GPC5: variants seen among roughly 807,000 people sequenced by gnomAD.
GPC5 encodes the protein glypican 5.
A neutral mutation model predicts 53.9 loss-of-function variants in GPC5; 47 were observed. The observed-to-expected ratio is 0.87, with a 90% CI of 0.69 to 1.11. GPC5 has a LOEUF of 1.11. GPC5 is among the 50% of genes most tolerant of loss of function. The probability of loss-of-function intolerance (pLI) is 0.00; values close to 1 mark genes in which losing one functional copy is unlikely to be tolerated. For missense variants in GPC5, 748 were observed against 713.1 expected (o/e 1.05, Z -0.56); for synonymous variants, 286 against 263.3 (o/e 1.09, Z -0.84).
chr13:91,602,627 A>T (rs547629547), intron 2 of GPC5, among the ~76,000 whole-genome samples: 3 of 152,330 alleles, frequency 2.0e-5, no homozygotes, highest in African/African-American at 7.2e-5. Context: ...CAGTATGCAG[A>T]TCACAAAAAG....
chr13:92,426,530 G>T (rs1876841853), intron 7 of GPC5, among the ~76,000 whole-genome samples: 1 of 151,956 alleles, frequency 6.6e-6, no homozygotes, highest in South Asian at 2.1e-4. Context: ...AAATGTCAAG[G>T]ATAAGACTTA....
At chr13:92,385,350 A>ATATACATC in intron 7 of GPC5, among the ~76,000 whole-genome samples, 1 of 89,428 alleles carries the variant, frequency 1.1e-5, no homozygotes, top group East Asian at 3.9e-4. Flanking sequence ...ATATATACAT[A>ATATACATC]TATACATATA....
At chr13:92,218,844 T>A (rs1276819638) in intron 7 of GPC5, among the ~76,000 whole-genome samples, 1 of 152,190 alleles carries the variant, frequency 6.6e-6, no homozygotes, top group Non-Finnish European at 1.5e-5. Flanking sequence ...AAGGCAATCC[T>A]TAGGCAAAAA....
chr13:92,368,367 G>T (rs2139290566), intron 7 of GPC5, among the ~76,000 whole-genome samples: 1 of 151,584 alleles, frequency 6.6e-6, no homozygotes, highest in African/African-American at 2.4e-5. Flanking sequence ...AATAGGGCTG[G>T]GCGTGGTTGC....
At chr13:92,633,122 C>A (rs960284152) in intron 7 of GPC5, among the ~76,000 whole-genome samples, 1 of 152,048 alleles carries the variant, frequency 6.6e-6, no homozygotes, top group East Asian at 1.9e-4. Flanking sequence ...AACTCCTGAC[C>A]TCTCAGGTGA....
At chr13:92,840,948 T>C (rs1349767025) in intron 7 of GPC5, among the ~76,000 whole-genome samples, 2 of 152,118 alleles carry the variant, frequency 1.3e-5, no homozygotes, top group African/African-American at 2.4e-5. Context: ...CCTAAGCTGA[T>C]TTTGTCTGTC....
At chr13:92,005,946 G>T (rs904693357) in intron 6 of GPC5, among the ~76,000 whole-genome samples, 4 of 152,116 alleles carry the variant, frequency 2.6e-5, no homozygotes, top group African/African-American at 9.7e-5. Flanking sequence ...TATTCTCAAA[G>T]AAACTAGATG....
rs556961703 is a variant in GPC5, at chr13:91,869,705, A to G, written c.1281-38232A>G. ...GCTACCTGGGACTGGTAGCACTTAT[A>G]AAGAAAAGAGGTTTAATTGATTCAC... On this transcript the variant is annotated intron_variant, in intron 5 of 7. Transcript: ENST00000377067. Among the ~76,000 whole-genome samples, 10 of 152,286 alleles carry G rather than the reference A, an allele frequency of 6.6e-5. No homozygotes were observed. The South Asian group carries it at 1.4e-3, about 22-fold the overall frequency.
chr13:91,513,741 A>C (rs529983189), intron 2 of GPC5, among the ~76,000 whole-genome samples: 1 of 151,972 alleles, frequency 6.6e-6, no homozygotes, highest in East Asian at 1.9e-4. Flanking sequence ...ACGCCATCTC[A>C]AAAAAAAGAA....
intron 7 of GPC5, among the ~76,000 whole-genome samples, chr13:92,547,576 ACTT>A (rs2139010838): frequency 6.6e-6 from 1 of 152,252 alleles, no homozygotes; most frequent in South Asian, 2.1e-4. Flanking sequence ...GTACCTGTCA[ACTT>A]CAGACTGGAT....
chr13:92,090,449 C>G lies in GPC5; in HGVS notation c.1402-54381C>G, dbSNP rs548081791. ...AGAGTCCCCAGAGAGACTCCTGCCCCTTTCAACATGTGGGGCACAGGGAAG... is the reference window on the plus strand; with the variant it reads ...AGAGTCCCCAGAGAGACTCCTGCCCGTTTCAACATGTGGGGCACAGGGAAG... On this transcript the variant is annotated intron_variant, in intron 6 of 7. Transcript: ENST00000377067. Among the ~76,000 whole-genome samples the G allele has an allele frequency of 2.0e-5, 3 of 152,208 alleles. No homozygotes were observed. The South Asian group carries it at 6.2e-4, about 32-fold the overall frequency.
At chr13:91,813,550 T>C (rs2038348612) in intron 5 of GPC5, among the ~76,000 whole-genome samples, 2 of 152,176 alleles carry the variant, frequency 1.3e-5, no homozygotes, top group South Asian at 2.1e-4. Flanking sequence ...GGTTGGTCTT[T>C]GACAGAGCAG....
At chr13:92,123,360 A>AAGTACT (rs2041666763) in intron 6 of GPC5, among the ~76,000 whole-genome samples, 4 of 152,216 alleles carry the variant, frequency 2.6e-5, no homozygotes, top group Non-Finnish European at 5.9e-5. Context: ...TTGTTATATG[A>AAGTACT]CATTTATAAC....
chr13:92,299,182 C>A (rs187180165), intron 7 of GPC5, among the ~76,000 whole-genome samples: 54 of 152,078 alleles, frequency 3.6e-4, no homozygotes, highest in African/African-American at 1.2e-3. Flanking sequence ...GCCTCACAGC[C>A]TTTTTTTTCT....
At chr13:92,855,904 A>G (rs1057267224) in intron 7 of GPC5, among the ~76,000 whole-genome samples, 1 of 152,072 alleles carries the variant, frequency 6.6e-6, no homozygotes, top group Admixed American at 6.6e-5. Context: ...CACCAGATGG[A>G]TTCACAGCTG....
At chr13:91,559,838 A>T (rs991410530) in intron 2 of GPC5, among the ~76,000 whole-genome samples, 3 of 152,090 alleles carry the variant, frequency 2.0e-5, no homozygotes, top group African/African-American at 7.2e-5. Context: ...CAAGGGGGGA[A>T]ATTTCAGCAT....
chr13:92,728,838 A>T (rs183669591), intron 7 of GPC5, among the ~76,000 whole-genome samples: 1 of 151,408 alleles, frequency 6.6e-6, no homozygotes, highest in Non-Finnish European at 1.5e-5. Context: ...ATCTAGTTTA[A>T]TTACTCAATT....
At chr13:92,559,364 GTGTGTT>G (rs1882615619) in intron 7 of GPC5, among the ~76,000 whole-genome samples, 1 of 150,240 alleles carries the variant, frequency 6.7e-6, no homozygotes, top group African/African-American at 2.5e-5. Context: ...GTGTGTGTGT[GTGTGTT>G]GGGGTGTGGG....
chr13:92,297,884 C>G (rs35696886), intron 7 of GPC5, among the ~76,000 whole-genome samples: 1 of 152,026 alleles, frequency 6.6e-6, no homozygotes, highest in African/African-American at 2.4e-5. Context: ...ACACTCACCG[C>G]GAAGATCTGC....
Sources: gnomAD v4.1 joint callset for allele counts (sites outside exome capture counted in the v4.1 genomes callset) on GRCh38, gnomAD v4.1.1 for gene constraint, MANE v1.5 for transcripts, NCBI Gene and HGNC (gene_info 2026-07-23, HGNC 2026-07-21) for gene names.